Variants in TXNDC5 observed in about 807,000 individuals in gnomAD.
TXNDC5 encodes the protein thioredoxin domain-containing protein 5.
TXNDC5 carries 44 observed loss-of-function variants against 52.6 expected under a neutral mutation model. The ratio of observed to expected loss-of-function variants is 0.84; its 90% CI spans 0.66 to 1.08. The LOEUF is 1.08. TXNDC5 is among the 50% of genes least tolerant of loss of function. TXNDC5 has a pLI of 0.00. For missense variants in TXNDC5, 600 were observed against 565.5 expected (o/e 1.06, Z -0.62); for synonymous variants, 241 against 234.4 (o/e 1.03, Z -0.26).
chr6:7,904,682 A>C lies in TXNDC5; in HGVS notation c.305T>G (p.Leu102Arg), dbSNP rs541758126. The C allele has an allele frequency of 3.7e-6, 6 of 1,614,188 alleles. No individual in the cohort carries two copies. The East Asian group carries it at 8.9e-5, about 24-fold the overall frequency. The stretch of plus-strand genomic sequence containing the variant: ...TTCCATGCTGTTGTATTTGTCTCCC[A>C]GGTCATTCCAAGTCGGCTGCAGCCG... ...CQRLQPTWND[L>R]GDKYNSMEDA... The change falls in exon 2 of 10, where the codon CTG (leucine) becomes CGG (arginine). Residue 102 changes from leucine (L) to arginine (R), a missense_variant. Leu to Arg is a moderately radical substitution (Grantham distance 102). Transcript: ENST00000379757.
At position 7,885,899 on chromosome 6, in the gene TXNDC5, G is replaced by GAAAAACATGATGTGACTTAGTAC. The variant is rs1759955547; in HGVS notation, c.1046+39_1046+61dup. The stretch of plus-strand genomic sequence containing the variant: ...AGTCTGGAGGGGTGGCAGATGAGCT[G>GAAAAACATGATGTGACTTAGTAC]AAAAACATGATGTGACTTAGTACAC... On this transcript the variant is annotated intron_variant, in intron 8 of 9. Transcript: ENST00000379757. The GAAAAACATGATGTGACTTAGTAC allele has an allele frequency of 3.9e-6, 6 of 1,528,962 alleles. No individual in the cohort carries two copies. In the African/African-American group the frequency reaches 8.2e-5, roughly 21 times the overall value. The allele number at this position is 1,528,962 out of a possible 1,614,324, so 94.7% of individuals were successfully genotyped here. A position where few individuals can be genotyped will look rare whatever the true frequency, so the allele number is the denominator to read the frequency against.
At chr6:7,909,273 T>C (rs36122886) in intron 1 of TXNDC5, among the ~76,000 whole-genome samples, 11,056 of 152,308 alleles carry the variant, frequency 0.073, 590 homozygotes, top group Middle Eastern at 0.18. Context: ...CAAGTGAGCC[T>C]CTACTGAGCT....
At position 7,881,972 on chromosome 6, in the gene TXNDC5, G is replaced by A. The variant is rs7764128; in HGVS notation, c.*1172C>T. On this transcript the variant is annotated 3_prime_UTR_variant, in exon 10 of 10. Transcript: ENST00000379757. Reference sequence around the variant, plus strand: ...TGTGCTTATTCCCAAGGGAGATAGAGGTGTTTAATCACAAGGACAGCATGA... The same window carrying A: ...TGTGCTTATTCCCAAGGGAGATAGAAGTGTTTAATCACAAGGACAGCATGA... 0.21 allele frequency: 31,711 copies of A among 152,584 alleles called. 4,809 individuals are homozygous for A. The highest frequency in any genetic ancestry group is 0.43 in the African/African-American group (18,022 of 41,440). The allele number at this position is 152,584 out of a possible 1,614,324, so 9.5% of individuals were successfully genotyped here.
chr6:7,899,505 T>C, intron 3 of TXNDC5, 71 bp downstream of exon 3: 3 of 1,169,964 alleles, frequency 2.6e-6, no homozygotes, highest in Non-Finnish European at 3.6e-6. Context: ...CCCCGTTACA[T>C]ATTACCCCAA....
intron 9 of TXNDC5, 35 bp from the exon 10 acceptor site, chr6:7,883,301 C>T (rs200430217): frequency 2.3e-5 from 37 of 1,612,570 alleles, no homozygotes; most frequent in East Asian, 8.9e-5. Context: ...TGCAAACCAG[C>T]GGTCCAGATC....
At position 7,891,739 on chromosome 6, in the gene TXNDC5, G is replaced by A. The variant is rs773381676; in HGVS notation, c.617-3C>T. ...GAAGAACTTGATAAAGTGGTCGCCT[G>A]GAGTGGAGAGCCAAGGCAGAGACGG... On this transcript the variant is annotated splice_region_variant and splice_polypyrimidine_tract_variant and intron_variant, in intron 4 of 9. Coordinates refer to ENST00000379757, the MANE Select transcript of TXNDC5 (RefSeq NM_030810.5). The A allele has an allele frequency of 3.1e-6, 5 of 1,610,904 alleles. No homozygotes were observed. In the East Asian group the frequency reaches 8.9e-5, roughly 29 times the overall value.
At chr6:7,890,932 T>A (rs562850380) in intron 5 of TXNDC5, among the ~76,000 whole-genome samples, 1 of 152,254 alleles carries the variant, frequency 6.6e-6, no homozygotes, top group East Asian at 1.9e-4. Context: ...CCCAAGTAGA[T>A]CATCCTGTTA....
rs572022266 is a variant in TXNDC5, at chr6:7,910,284, C to T, written c.263+230G>A. ...GCCGCGGCGCCCGCGCCCCCCGCTC[C>T]CCGCCAGCCGGAGCCCCGAACCCGC... is the stretch of plus-strand genomic sequence containing the variant. On this transcript the variant is annotated intron_variant, in intron 1 of 9. Coordinates refer to ENST00000379757, the MANE Select transcript of TXNDC5 (RefSeq NM_030810.5). 2.2e-3 allele frequency among the ~76,000 whole-genome samples: 330 copies of T among 150,952 alleles called. 2 individuals carry two copies. The highest frequency in any genetic ancestry group is 6.5e-3 in the African/African-American group (267 of 41,362).
chr6:7,889,145 C>T (rs1581311735), intron 6 of TXNDC5: 2 of 449,188 alleles, frequency 4.5e-6, no homozygotes, highest in Non-Finnish European at 7.8e-6. Context: ...TGCTGACCAT[C>T]GGCCAGGGAA....
At chr6:7,893,500 T>C (rs1760266722) in intron 4 of TXNDC5, among the ~76,000 whole-genome samples, 1 of 152,128 alleles carries the variant, frequency 6.6e-6, no homozygotes, top group Admixed American at 6.5e-5. Flanking sequence ...GACACAGCTG[T>C]GTGGCAGTGA....
rs745316434 is a variant in TXNDC5 at position 7,883,212 on chromosome 6, GCTCA to G, written c.1227_1230del (p.Glu410ThrfsTer15). 29 of 1,614,190 alleles carry G rather than the reference GCTCA, an allele frequency of 1.8e-5. No individual in the cohort carries two copies. Among genetic ancestry groups the G allele is most frequent in the South Asian group, 1.8e-4 (16 of 91,086 alleles). On this transcript the variant is annotated frameshift_variant, in exon 10 of 10. Transcript: ENST00000379757. LOFTEE classifies it high-confidence loss of function. ...GAGTCAAGGTCTCTGCCTCCACTGTGCTCACTGACTTTCTTCCCTCCTCGGAAAA... is the reference window on the plus strand; with the variant it reads ...GAGTCAAGGTCTCTGCCTCCACTGTGCTGACTTTCTTCCCTCCTCGGAAAA...
intron 1 of TXNDC5, among the ~76,000 whole-genome samples, chr6:7,908,138 C>T (rs921617318): frequency 6.6e-6 from 1 of 152,058 alleles, no homozygotes; most frequent in Non-Finnish European, 1.5e-5. Flanking sequence ...CAAAAATTAG[C>T]TGGGCGTGGT....
At chr6:7,898,956 G>C (rs937629381) in intron 3 of TXNDC5, among the ~76,000 whole-genome samples, 1 of 152,186 alleles carries the variant, frequency 6.6e-6, no homozygotes, top group Non-Finnish European at 1.5e-5. Flanking sequence ...AAGCCCATTA[G>C]AGACTCGGGG....
intron 1 of TXNDC5, among the ~76,000 whole-genome samples, chr6:7,906,605 T>C (rs1047782612): frequency 6.9e-6 from 1 of 145,914 alleles, no homozygotes; most frequent in South Asian, 2.2e-4. Context: ...TTCAAGTTAA[T>C]GTGTCTTCCC....
chr6:7,885,940 T>C (rs1581306997), intron 8 of TXNDC5, 21 bp downstream of exon 8: 1 of 1,612,798 alleles, frequency 6.2e-7, no homozygotes, highest in Non-Finnish European at 8.5e-7. Context: ...CAAAGTAGTT[T>C]CTAATTAAAC....
chr6:7,896,526 G>A lies in TXNDC5; in HGVS notation c.520-1324C>T, dbSNP rs1021469770. On this transcript the variant is annotated intron_variant, in intron 3 of 9. Transcript: ENST00000379757. ...AGAATATCCAAGCTAAGTTGTTAAAGGCTTTAAAGGTGCTGACAGTTCAAA... is the reference window on the plus strand; with the variant it reads ...AGAATATCCAAGCTAAGTTGTTAAAAGCTTTAAAGGTGCTGACAGTTCAAA... Among the ~76,000 whole-genome samples the A allele has an allele frequency of 5.3e-5, 8 of 152,198 alleles. 1 individual carries two copies. Among genetic ancestry groups the A allele is most frequent in the South Asian group, 4.1e-4 (2 of 4,830 alleles).
intron 4 of TXNDC5, among the ~76,000 whole-genome samples, chr6:7,892,777 C>T (rs943721937): frequency 1.1e-4 from 16 of 152,256 alleles, no homozygotes; most frequent in African/African-American, 3.6e-4. Flanking sequence ...TCGCCAGCCA[C>T]GTGGAACTGT....
At chr6:7,899,727 T>G (rs1293608022) in intron 2 of TXNDC5, 46 bp from the exon 3 acceptor site, 1 of 1,530,426 alleles carries the variant, frequency 6.5e-7, no homozygotes, top group Non-Finnish European at 9.0e-7. Flanking sequence ...GAAAGTTGTC[T>G]TATCAGAGAG....
chr6:7,891,429 G>T (rs531288277), intron 5 of TXNDC5, among the ~76,000 whole-genome samples, 192 bp downstream of exon 5: 24 of 152,264 alleles, frequency 1.6e-4, no homozygotes, highest in Admixed American at 1.5e-3. Flanking sequence ...TTATCTCTAG[G>T]CTGTGGAAAA....
Sources: gnomAD v4.1 joint callset for allele counts (sites outside exome capture counted in the v4.1 genomes callset) on GRCh38, gnomAD v4.1.1 for gene constraint, MANE v1.5 for transcripts, NCBI Gene and HGNC (gene_info 2026-07-23, HGNC 2026-07-21) for gene names.